THSD4: variants seen among roughly 807,000 people sequenced by gnomAD.
THSD4 encodes thrombospondin type-1 domain-containing protein 4.
THSD4 carries 69 observed loss-of-function variants against 119.0 expected under a neutral mutation model. The ratio of observed to expected loss-of-function variants is 0.58; its 90% confidence interval spans 0.48 to 0.71. The LOEUF (loss-of-function observed/expected upper bound fraction) is 0.71, where lower values mean the gene tolerates loss of function less well. Ranked by LOEUF, THSD4 falls within the 30% of genes least tolerant of loss-of-function variation. The pLI is 0.00. For missense variants in THSD4, 1,393 were observed against 1,391.1 expected, an observed-to-expected ratio of 1.00 and a Z score of -0.02; for synonymous variants, 524 against 540.4, an observed-to-expected ratio of 0.97 and a Z score of 0.42.
chr15:71,269,863 G>T (rs888901287), intron 6 of THSD4, among the ~76,000 whole-genome samples: 4 of 152,088 alleles, frequency 2.6e-5, no homozygotes, highest in African/African-American at 4.8e-5. Flanking sequence ...GCTACAAAGA[G>T]AATAAAATAC....
chr15:71,235,232 A>G (rs1309515826), intron 4 of THSD4, among the ~76,000 whole-genome samples: 2 of 152,178 alleles, frequency 1.3e-5, no homozygotes, highest in Non-Finnish European at 2.9e-5. Flanking sequence ...GCATCCTCAC[A>G]TTTGTAACCA....
intron 7 of THSD4, among the ~76,000 whole-genome samples, chr15:71,458,541 A>G (rs1448410250): frequency 2.0e-5 from 3 of 152,204 alleles, no homozygotes. Context: ...AACTCAATAA[A>G]TGTTCACTGA....
intron 1 of THSD4, among the ~76,000 whole-genome samples, chr15:71,132,795 C>A (rs970392727): frequency 6.6e-6 from 1 of 152,184 alleles, no homozygotes; most frequent in Non-Finnish European, 1.5e-5. Flanking sequence ...CCCCAACACA[C>A]GTATGTGTGT....
chr15:71,525,518 G>T (rs534021953), intron 7 of THSD4, among the ~76,000 whole-genome samples: 2 of 152,310 alleles, frequency 1.3e-5, no homozygotes, highest in African/African-American at 4.8e-5. Flanking sequence ...CCACAGATGC[G>T]TTTATTCAAA....
At chr15:71,710,703 T>C (rs2052493417) in intron 8 of THSD4, among the ~76,000 whole-genome samples, 1 of 152,222 alleles carries the variant, frequency 6.6e-6, no homozygotes, top group Non-Finnish European at 1.5e-5. Context: ...ATTGAGCTCT[T>C]TCCTTATGAC....
At chr15:71,594,493 C>T (rs2049870570) in intron 7 of THSD4, among the ~76,000 whole-genome samples, 1 of 152,160 alleles carries the variant, frequency 6.6e-6, no homozygotes, top group African/African-American at 2.4e-5. Context: ...TTTCTGCCCT[C>T]TGTGAGCCAG....
chr15:71,349,112 G>A (rs1320352892), intron 6 of THSD4, among the ~76,000 whole-genome samples: 1 of 152,098 alleles, frequency 6.6e-6, no homozygotes, highest in African/African-American at 2.4e-5. Context: ...GGAGCAAGCT[G>A]ACCCAGCTTC....
At chr15:71,355,042 T>A (rs1596361320) in intron 6 of THSD4, among the ~76,000 whole-genome samples, 1 of 152,218 alleles carries the variant, frequency 6.6e-6, no homozygotes, top group East Asian at 1.9e-4. Context: ...ATGGAAGCAT[T>A]ACAAATGTTT....
chr15:71,526,662 G>A (rs886305473), intron 7 of THSD4, among the ~76,000 whole-genome samples: 2 of 152,184 alleles, frequency 1.3e-5, no homozygotes, highest in East Asian at 3.9e-4. Flanking sequence ...TCTCTCACTT[G>A]TGCAAATGTC....
At chr15:71,365,170 A>AT (rs2045944511) in intron 6 of THSD4, among the ~76,000 whole-genome samples, 1 of 76,402 alleles carries the variant, frequency 1.3e-5, no homozygotes, top group Non-Finnish European at 3.4e-5. Context: ...TGTGTGTATG[A>AT]GAGAGAGAAA....
At chr15:71,693,368 T>G (rs1213287488) in intron 8 of THSD4, among the ~76,000 whole-genome samples, 1 of 152,148 alleles carries the variant, frequency 6.6e-6, no homozygotes, top group Non-Finnish European at 1.5e-5. Flanking sequence ...CAAAGCCAAC[T>G]GGGCTTGGTG....
intron 4 of THSD4, among the ~76,000 whole-genome samples, chr15:71,234,885 G>A (rs1327345788): frequency 1.3e-5 from 2 of 152,192 alleles, no homozygotes; most frequent in African/African-American, 4.8e-5. Context: ...CCGTCCTGCT[G>A]TGGTTTCAGG....
intron 7 of THSD4, among the ~76,000 whole-genome samples, chr15:71,578,699 C>T (rs182700113): frequency 3.0e-4 from 45 of 151,708 alleles, no homozygotes; most frequent in Non-Finnish European, 4.3e-4. Flanking sequence ...AACAGCCATT[C>T]GATAGACTAA....
At chr15:71,638,123 G>T (rs1039618870) in intron 7 of THSD4, among the ~76,000 whole-genome samples, 8 of 152,184 alleles carry the variant, frequency 5.3e-5, no homozygotes, top group Non-Finnish European at 1.2e-4. Flanking sequence ...GTTTTAAAAA[G>T]TGCAGGAAGC....
At chr15:71,529,645 A>C (rs2048580441) in intron 7 of THSD4, among the ~76,000 whole-genome samples, 1 of 152,232 alleles carries the variant, frequency 6.6e-6, no homozygotes, top group Non-Finnish European at 1.5e-5. Context: ...GAAGAAATAA[A>C]AGTAATTTTT....
At chr15:71,518,018 C>T (rs867322166) in intron 7 of THSD4, among the ~76,000 whole-genome samples, 23 of 152,314 alleles carry the variant, frequency 1.5e-4, no homozygotes, top group African/African-American at 4.3e-4. Context: ...AGACTGCCTT[C>T]TCTTTGTTTT....
At chr15:71,103,763 G>A (rs1423687217) in intron 1 of THSD4, among the ~76,000 whole-genome samples, 1 of 151,604 alleles carries the variant, frequency 6.6e-6, no homozygotes, top group Non-Finnish European at 1.5e-5. Context: ...GTGGGCTGAG[G>A]CTGGAAAGAA....
chr15:71,426,365 CTGTGTGTGTG>C lies in THSD4; in HGVS notation c.1152+14574_1152+14583del, dbSNP rs199965138. Among the ~76,000 whole-genome samples the C allele has an allele frequency of 1.2e-4, 12 of 102,568 alleles. No individual in the cohort carries two copies. In the East Asian group the frequency reaches 2.5e-3, roughly 21 times the overall value. 67.3% of individuals were successfully genotyped at this position (102,568 alleles called of 152,430 possible). On this transcript the variant is annotated intron_variant, in intron 7 of 17. Coordinates refer to ENST00000261862, the MANE Select transcript of THSD4 (RefSeq NM_024817.3). Reference sequence around the variant, plus strand: ...TGAATGTGTGCATTTGTAAGTATAGCTGTGTGTGTGTGTGTGTGTGTGTGTGTGTGTGTGT... The same window carrying C: ...TGAATGTGTGCATTTGTAAGTATAGCTGTGTGTGTGTGTGTGTGTGTGTGT...
At chr15:71,634,043 A>G (rs992832735) in intron 7 of THSD4, among the ~76,000 whole-genome samples, 7 of 152,026 alleles carry the variant, frequency 4.6e-5, no homozygotes, top group Admixed American at 4.6e-4. Flanking sequence ...AAAAATTAGC[A>G]GGGCATGGCA....
Sources: gnomAD v4.1 joint callset for allele counts (sites outside exome capture counted in the v4.1 genomes callset) on GRCh38, gnomAD v4.1.1 for gene constraint, MANE v1.5 for transcripts, NCBI Gene and HGNC (gene_info 2026-07-23, HGNC 2026-07-21) for gene names.